Variants in RANBP2 observed in about 807,000 individuals in gnomAD.
RANBP2 encodes E3 SUMO-protein ligase RanBP2.
A neutral mutation model predicts 303.6 loss-of-function variants in RANBP2; 57 were observed. The ratio of observed to expected loss-of-function variants is 0.19; its 90% confidence interval spans 0.15 to 0.23. RANBP2 has a LOEUF of 0.23. Ranked by LOEUF, RANBP2 falls within the 10% of genes least tolerant of loss-of-function variation. The probability of loss-of-function intolerance (pLI) is 1.00; values close to 1 mark genes in which losing one functional copy is unlikely to be tolerated. For missense variants in RANBP2, 3,138 were observed against 3,780.8 expected, an observed-to-expected ratio of 0.83 and a Z score of 4.46; for synonymous variants, 1,167 against 1,301.5, an observed-to-expected ratio of 0.90 and a Z score of 2.23.
the RANBP2 span, among the ~76,000 whole-genome samples, chr2:109,589,400 T>TG: frequency 6.6e-6 from 1 of 151,936 alleles, no homozygotes; most frequent in African/African-American, 2.4e-5. Context: ...GGCATGGTGG[T>TG]GCATGCCTGT....
the RANBP2 span, among the ~76,000 whole-genome samples, chr2:109,260,527 C>G: frequency 2.6e-5 from 4 of 152,192 alleles, no homozygotes; most frequent in African/African-American, 9.6e-5. Flanking sequence ...TTAGCACTTT[C>G]ACTTGTAGCG....
the RANBP2 span, among the ~76,000 whole-genome samples, chr2:109,726,222 A>G: frequency 3.7e-4 from 56 of 151,974 alleles, no homozygotes; most frequent in Non-Finnish European, 7.4e-4. Context: ...CAGCCCGGCC[A>G]ACATAGCAAA....
At chr2:109,504,969 G>C in the RANBP2 span, among the ~76,000 whole-genome samples, 10 of 152,328 alleles carry the variant, frequency 6.6e-5, no homozygotes, top group Non-Finnish European at 1.3e-4. Context: ...TGGAAGGGCA[G>C]GGTGGCTTGC....
Position 108,749,133 on chromosome 2 carries a change from A to G in RANBP2, c.1273+4A>G. The G allele has an allele frequency of 6.2e-7, 1 of 1,611,966 alleles. No individual in the cohort carries two copies. Among genetic ancestry groups the G allele is most frequent in the Non-Finnish European group, 8.5e-7 (1 of 1,179,844 alleles). On this transcript the variant is annotated splice_donor_region_variant and intron_variant, in intron 9 of 28. Coordinates refer to ENST00000283195, the MANE Select transcript of RANBP2 (RefSeq NM_006267.5). ...GATTTGACTAGATACGATGTTGGTAAGTTATATGTTTCAGAGGAAATGGTC... is the reference window on the plus strand; with the variant it reads ...GATTTGACTAGATACGATGTTGGTAGGTTATATGTTTCAGAGGAAATGGTC...
the RANBP2 span, among the ~76,000 whole-genome samples, chr2:109,488,452 T>G: frequency 1.3e-5 from 2 of 152,202 alleles, no homozygotes. Flanking sequence ...CTTTCCTTCC[T>G]GGCCTGCGGA....
At chr2:109,672,103 T>C in the RANBP2 span, among the ~76,000 whole-genome samples, 12 of 152,318 alleles carry the variant, frequency 7.9e-5, no homozygotes, top group South Asian at 2.5e-3. Context: ...CACCAGTGTG[T>C]TGTATTTTTA....
chr2:108,967,454 C>T, the RANBP2 span, among the ~76,000 whole-genome samples: 2 of 152,108 alleles, frequency 1.3e-5, no homozygotes, highest in Non-Finnish European at 1.5e-5. Flanking sequence ...CTGCTGTTCT[C>T]CAGGCCTTTA....
At chr2:109,371,816 C>G in the RANBP2 span, 3 of 752,798 alleles carry the variant, frequency 4.0e-6, no homozygotes, top group Non-Finnish European at 6.7e-6. Context: ...GGCCAGAGAG[C>G]TGCTATGTGT....
the RANBP2 span, among the ~76,000 whole-genome samples, chr2:109,075,746 G>T: frequency 6.6e-6 from 1 of 150,378 alleles, no homozygotes; most frequent in Non-Finnish European, 1.5e-5. Flanking sequence ...ATTCCTAGAA[G>T]CATGCAACCT....
At chr2:109,743,602 A>C in the RANBP2 span, among the ~76,000 whole-genome samples, 2 of 138,440 alleles carry the variant, frequency 1.4e-5, 1 homozygote, top group African/African-American at 5.4e-5. Context: ...AAATATACAA[A>C]GAACTCTTTT....
chr2:109,685,560 A>C, the RANBP2 span, among the ~76,000 whole-genome samples: 1 of 152,308 alleles, frequency 6.6e-6, no homozygotes, highest in East Asian at 1.9e-4. Flanking sequence ...GGGTGCTGCA[A>C]GCATGTGGAA....
the RANBP2 span, among the ~76,000 whole-genome samples, chr2:109,155,043 T>C: frequency 6.6e-6 from 1 of 152,216 alleles, no homozygotes; most frequent in Non-Finnish European, 1.5e-5. Context: ...GAGTGTGTTC[T>C]GGTGTGCTCA....
chr2:109,343,905 A>G, the RANBP2 span, among the ~76,000 whole-genome samples: 4 of 151,912 alleles, frequency 2.6e-5, no homozygotes, highest in East Asian at 7.7e-4. Flanking sequence ...CACCATGCCT[A>G]TTTTTAAAAA....
the RANBP2 span, among the ~76,000 whole-genome samples, chr2:109,589,997 T>C: frequency 5.3e-5 from 8 of 151,484 alleles, no homozygotes; most frequent in Non-Finnish European, 7.4e-5. Flanking sequence ...TTATGTGCAT[T>C]TTTCACATAA....
At chr2:109,304,594 C>A in the RANBP2 span, among the ~76,000 whole-genome samples, 2 of 152,206 alleles carry the variant, frequency 1.3e-5, no homozygotes, top group East Asian at 3.8e-4. Flanking sequence ...CCCTCACCCT[C>A]TATCTTTAAG....
At chr2:108,890,066 G>A in the RANBP2 span, among the ~76,000 whole-genome samples, 2 of 151,898 alleles carry the variant, frequency 1.3e-5, no homozygotes, top group Admixed American at 1.3e-4. Flanking sequence ...GCTTGTCTAG[G>A]AAAGACTAGT....
the RANBP2 span, among the ~76,000 whole-genome samples, chr2:109,078,042 G>C: frequency 2.4e-5 from 3 of 126,994 alleles, no homozygotes; most frequent in East Asian, 6.6e-4. Flanking sequence ...TAATAGCCAA[G>C]ATATGGAAAC....
chr2:108,758,181 G>C (rs1053898818), intron 17 of RANBP2, among the ~76,000 whole-genome samples: 1 of 151,702 alleles, frequency 6.6e-6, no homozygotes, highest in South Asian at 2.1e-4. Context: ...CCTGTAATCC[G>C]AGCTACTCAG....
chr2:108,884,886 T>A, the RANBP2 span: 1 of 151,266 alleles, frequency 6.6e-6, no homozygotes, highest in South Asian at 2.1e-4. Flanking sequence ...TTGAAACACC[T>A]CTGCTCTGTG....
Sources: allele counts gnomAD v4.1 joint callset (sites outside exome capture counted in the v4.1 genomes callset), GRCh38; gene constraint gnomAD v4.1.1; transcripts MANE v1.5; gene names NCBI Gene and HGNC (gene_info 2026-07-23, HGNC 2026-07-21).